Variants in SVIL observed in about 807,000 individuals in gnomAD.
SVIL encodes the protein archvillin.
Under a neutral mutation model 240.4 loss-of-function variants are expected in SVIL, and 101 were observed. The observed-to-expected ratio is 0.42, with a 90% CI of 0.36 to 0.50. The LOEUF is 0.50. SVIL is among the 20% of genes least tolerant of loss of function. The probability of loss-of-function intolerance (pLI) is 0.01; values close to 1 mark genes in which losing one functional copy is unlikely to be tolerated. For missense variants in SVIL, 2,512 were observed against 2,818.7 expected (o/e 0.89, Z 2.46); for synonymous variants, 999 against 1,100.0 (o/e 0.91, Z 1.82).
intron 35 of SVIL, among the ~76,000 whole-genome samples, chr10:29,462,675 G>A (rs963496992): frequency 2.0e-5 from 3 of 152,202 alleles, no homozygotes; most frequent in Non-Finnish European, 4.4e-5. Flanking sequence ...GAGAGGCTCT[G>A]TCTGCAGCTT....
At chr10:29,725,091 G>A (rs1964218157) in intron 1 of SVIL, among the ~76,000 whole-genome samples, 3 of 151,036 alleles carry the variant, frequency 2.0e-5, no homozygotes, top group Admixed American at 2.0e-4. Flanking sequence ...AATTTTCAGG[G>A]TGGAATTTCC....
chr10:29,521,854 G>C (rs1011138370), intron 16 of SVIL, among the ~76,000 whole-genome samples: 2 of 152,160 alleles, frequency 1.3e-5, no homozygotes, highest in African/African-American at 4.8e-5. Context: ...AATCTTTCAA[G>C]CTATTACCTG....
intron 34 of SVIL, among the ~76,000 whole-genome samples, chr10:29,464,114 G>C (rs960643894): frequency 2.0e-5 from 3 of 152,204 alleles, no homozygotes; most frequent in Non-Finnish European, 4.4e-5. Context: ...GTGAGCTCAT[G>C]GCTCTCTTAC....
At chr10:29,515,770 C>G (rs2132503125) in intron 16 of SVIL, among the ~76,000 whole-genome samples, 1 of 152,284 alleles carries the variant, frequency 6.6e-6, no homozygotes, top group South Asian at 2.1e-4. Flanking sequence ...CAAAAAGAAG[C>G]TCCCAAAAGT....
chr10:29,636,076 G>T (rs970098570), upstream of SVIL, among the ~76,000 whole-genome samples: 26 of 151,350 alleles, frequency 1.7e-4, no homozygotes, highest in Non-Finnish European at 8.8e-5. Flanking sequence ...ACTGTTTTGT[G>T]CTAGGGGTAT....
intron 2 of SVIL, among the ~76,000 whole-genome samples, chr10:29,676,703 A>T (rs542496825): frequency 6.6e-6 from 1 of 152,176 alleles, no homozygotes; most frequent in Non-Finnish European, 1.5e-5. Flanking sequence ...TGAGCTGGAC[A>T]TTGGTTTGGA....
intron 16 of SVIL, among the ~76,000 whole-genome samples, chr10:29,517,582 C>T (rs373571247): frequency 3.9e-5 from 6 of 152,202 alleles, no homozygotes; most frequent in South Asian, 2.1e-4. Flanking sequence ...GACAGGGAGA[C>T]AGCCTCTGGC....
intron 3 of SVIL, among the ~76,000 whole-genome samples, chr10:29,650,399 A>G (rs1452091632): frequency 3.9e-5 from 6 of 152,130 alleles, no homozygotes; most frequent in Admixed American, 3.9e-4. Flanking sequence ...CATTTTGAGA[A>G]AGTTACCACT....
intron 16 of SVIL, among the ~76,000 whole-genome samples, chr10:29,515,877 A>G: frequency 6.6e-6 from 1 of 152,164 alleles, no homozygotes; most frequent in East Asian, 1.9e-4. Context: ...AAGCTGTGGC[A>G]TCTGAGATCA....
intron 3 of SVIL, among the ~76,000 whole-genome samples, chr10:29,645,556 T>A (rs1324325264): frequency 2.0e-5 from 3 of 151,840 alleles, no homozygotes; most frequent in Non-Finnish European, 2.9e-5. Context: ...GGCGATAGAG[T>A]GAAACTCCGT....
At chr10:29,724,266 A>G (rs536496576) in intron 1 of SVIL, among the ~76,000 whole-genome samples, 5 of 150,984 alleles carry the variant, frequency 3.3e-5, no homozygotes, top group African/African-American at 1.2e-4. Flanking sequence ...ACTGCCTGCT[A>G]TAACTAACTT....
At chr10:29,508,240 C>T in intron 17 of SVIL, 1 of 646,510 alleles carries the variant, frequency 1.5e-6, no homozygotes, top group Non-Finnish European at 2.4e-6. Flanking sequence ...AAGAAAAGCA[C>T]CAGGGAGGGT....
chr10:29,520,980 T>A (rs1179585407), intron 16 of SVIL, among the ~76,000 whole-genome samples: 5 of 150,900 alleles, frequency 3.3e-5, no homozygotes, highest in Non-Finnish European at 7.4e-5. Context: ...TCCCAGCACT[T>A]TGGGAGGCCG....
chr10:29,504,174 C>T (rs1949101101), intron 17 of SVIL, among the ~76,000 whole-genome samples: 1 of 152,092 alleles, frequency 6.6e-6, no homozygotes, highest in Non-Finnish European at 1.5e-5. Flanking sequence ...AATTTTCCAC[C>T]ATTCCCCAAA....
chr10:29,658,058 T>C (rs931809011), exon 3 of SVIL: 1 of 152,178 alleles, frequency 6.6e-6, no homozygotes, highest in Non-Finnish European at 1.5e-5. Flanking sequence ...GGCCATCCAC[T>C]TGAACTCTCT....
chr10:29,617,610 G>A (rs1957476667), intron 1 of SVIL, among the ~76,000 whole-genome samples: 2 of 151,364 alleles, frequency 1.3e-5, no homozygotes, highest in African/African-American at 4.8e-5. Flanking sequence ...GAAAAAAAAA[G>A]AGAAATTCTG....
chr10:29,550,804 C>T lies in SVIL; in HGVS notation c.620G>A (p.Arg207Gln), dbSNP rs767608322. Residue 207 changes from arginine to glutamine, a missense_variant, in exon 6 of 38, where the codon CGA becomes CAA. By Grantham distance (43) the Arg-to-Gln change is conservative. Coordinates refer to ENST00000355867, the MANE Select transcript of SVIL (RefSeq NM_021738.3). ...CCGGGTGGCACTCAGCTCTTGACCT[C>T]GTCTTTGGTTTTCTATGTTCAGCAG... Reference protein sequence around the residue: ...EVLLNIENQRRGQELSATRQA... With the variant: ...EVLLNIENQRQGQELSATRQA... The T allele has an allele frequency of 6.8e-6, 11 of 1,614,058 alleles. No individual in the cohort carries two copies. Among genetic ancestry groups the T allele is most frequent in the East Asian group, 2.2e-5 (1 of 44,840 alleles).
intron 1 of SVIL, among the ~76,000 whole-genome samples, chr10:29,619,219 T>C (rs891951067): frequency 1.3e-5 from 2 of 152,214 alleles, no homozygotes; most frequent in Admixed American, 6.5e-5. Context: ...CTTTGTTTGC[T>C]GAAGAATACA....
At chr10:29,610,445 T>C (rs1373530260) in intron 1 of SVIL, among the ~76,000 whole-genome samples, 1 of 84,312 alleles carries the variant, frequency 1.2e-5, no homozygotes, top group Non-Finnish European at 2.2e-5. Flanking sequence ...CCATTCACTC[T>C]GCATTTTTTT....
Sources: allele counts gnomAD v4.1 joint callset (sites outside exome capture counted in the v4.1 genomes callset), GRCh38; gene constraint gnomAD v4.1.1; transcripts MANE v1.5; gene names NCBI Gene and HGNC (gene_info 2026-07-23, HGNC 2026-07-21).